Variants in RNF170 observed in about 807,000 individuals in gnomAD.
RNF170 encodes the protein ring finger protein 170, also known as E3 ubiquitin-protein ligase RNF170.
A neutral mutation model predicts 32.7 loss-of-function variants in RNF170; 12 were observed. The observed-to-expected ratio is 0.37, with a 90% confidence interval of 0.24 to 0.60. The LOEUF is 0.60. Among genes scored for constraint, RNF170 ranks in the 20% least tolerant of loss-of-function variants. The pLI is 0.72. For missense variants in RNF170, 212 were observed against 311.2 expected (o/e 0.68, Z 2.40); for synonymous variants, 91 against 103.6 (o/e 0.88, Z 0.74).
intron 3 of RNF170, among the ~76,000 whole-genome samples, chr8:42,871,180 T>C (rs896222818): frequency 9.2e-5 from 14 of 151,994 alleles, no homozygotes; most frequent in African/African-American, 3.4e-4. Context: ...GCTATACTCC[T>C]GCCTGGGCAA....
At position 42,853,753 on chromosome 8, in the gene RNF170, C is replaced by G; in HGVS notation, c.*2406G>C. On this transcript the variant is annotated 3_prime_UTR_variant, in exon 7 of 7. Coordinates refer to ENST00000527424, the MANE Select transcript of RNF170 (RefSeq NM_030954.4). Reference sequence around the variant, plus strand: ...CCCTTCTGCATTTATCATCAGAGATCGGTAAAGATGACAACAAGCAGGTCT... The same window carrying G: ...CCCTTCTGCATTTATCATCAGAGATGGGTAAAGATGACAACAAGCAGGTCT... 7.8e-7 allele frequency: 1 copy of G among 1,287,120 alleles called. No individual in the cohort carries two copies. Among genetic ancestry groups the G allele is most frequent in the South Asian group, 1.2e-5 (1 of 80,934 alleles). 79.7% of individuals were successfully genotyped at this position (1,287,120 alleles called of 1,614,324 possible).
Position 42,887,777 on chromosome 8 carries a change from C to T in RNF170, c.88G>A (p.Val30Ile), listed in dbSNP as rs747718243. The T allele has an allele frequency of 7.4e-6, 12 of 1,613,824 alleles. No homozygotes were observed. In the Admixed American group the frequency reaches 1.2e-4, roughly 16 times the overall value. Residue 30 changes from valine to isoleucine, a missense_variant, in exon 2 of 7, where the codon GTT becomes ATT. Physicochemically the swap from Val to Ile is conservative, Grantham distance 29 (BLOSUM62 3). Coordinates refer to ENST00000527424, the MANE Select transcript of RNF170 (RefSeq NM_030954.4). Reference sequence around the variant, plus strand: ...GCAATCAAAGCGAAACTGACCACAACTGCCACAAGTACTTGGTCGCTTACT... The same window carrying T: ...GCAATCAAAGCGAAACTGACCACAATTGCCACAAGTACTTGGTCGCTTACT... The part of the protein sequence containing the change: ...EGVSDQVLVA[V>I]VVSFALIATL...
At position 42,854,760 on chromosome 8, in the gene RNF170, A is replaced by T; in HGVS notation, c.*1399T>A. The stretch of plus-strand genomic sequence containing the variant: ...ACAATGCTAACACTGACTCCTGGGC[A>T]TCCCCTCACATCCTGCTGTCATACA... On this transcript the variant is annotated 3_prime_UTR_variant, in exon 7 of 7. Coordinates refer to ENST00000527424, the MANE Select transcript of RNF170 (RefSeq NM_030954.4). 1 of 1,287,460 alleles carries T rather than the reference A, an allele frequency of 7.8e-7. No homozygotes were observed. Among genetic ancestry groups the T allele is most frequent in the Non-Finnish European group, 1.0e-6 (1 of 988,698 alleles). The allele number at this position is 1,287,460 out of a possible 1,614,324, so 79.8% of individuals were successfully genotyped here.
chr8:42,864,489 A>T (rs1803937225), intron 5 of RNF170, among the ~76,000 whole-genome samples: 1 of 152,186 alleles, frequency 6.6e-6, no homozygotes, highest in South Asian at 2.1e-4. Context: ...TGTCATACTT[A>T]AAAACTGAGA....
chr8:42,892,674 GTTTT>G (rs559187435), intron 1 of RNF170, among the ~76,000 whole-genome samples: 1 of 130,892 alleles, frequency 7.6e-6, no homozygotes. Flanking sequence ...CTGTTGCAGC[GTTTT>G]TTTTTTTTTT....
chr8:42,876,228 T>C (rs915524036), intron 2 of RNF170, among the ~76,000 whole-genome samples: 1 of 149,562 alleles, frequency 6.7e-6, no homozygotes, highest in Non-Finnish European at 1.5e-5. Flanking sequence ...ATATATATTT[T>C]AAAAATATAT....
intron 2 of RNF170, among the ~76,000 whole-genome samples, chr8:42,883,446 G>A (rs1254655278): frequency 6.6e-6 from 1 of 151,978 alleles, no homozygotes; most frequent in Admixed American, 6.6e-5. Flanking sequence ...GCGCGTGCCT[G>A]TAGTCCCAGC....
chr8:42,892,883 A>G lies in RNF170; in HGVS notation c.-8+3601T>C, dbSNP rs182061955. ...ACGCCTGTGATCCCAGCTACTCGGG[A>G]GGCTGAGGCATGAGAATTGCTTGAA... On this transcript the variant is annotated intron_variant, in intron 1 of 6. Transcript: ENST00000527424. Among the ~76,000 whole-genome samples, 54 of 152,192 alleles carry G rather than the reference A, an allele frequency of 3.5e-4. No homozygotes were observed. In the East Asian group the frequency reaches 9.5e-3, roughly 27 times the overall value.
intron 1 of RNF170, among the ~76,000 whole-genome samples, chr8:42,893,349 T>C (rs924423554): frequency 6.6e-6 from 1 of 152,232 alleles, no homozygotes; most frequent in African/African-American, 2.4e-5. Flanking sequence ...TCTTGGAAAC[T>C]GTGCAGTGTA....
In RNF170 at chr8:42,853,947, A is replaced by G. The variant is rs955369578; in HGVS notation, c.*2212T>C. On this transcript the variant is annotated 3_prime_UTR_variant, in exon 7 of 7. Coordinates refer to ENST00000527424, the MANE Select transcript of RNF170 (RefSeq NM_030954.4). ...TAACCAGAATTGTGACACTTGGAGC[A>G]GAATGCATGCACACAAAATAAAATC... 1.0e-5 allele frequency: 13 copies of G among 1,287,088 alleles called. No individual in the cohort carries two copies. The highest frequency in any genetic ancestry group is 4.6e-5 in the African/African-American group (3 of 65,810). The allele number at this position is 1,287,088 out of a possible 1,614,324, so 79.7% of individuals were successfully genotyped here.
chr8:42,890,216 AAT>A (rs2128955573), intron 1 of RNF170, among the ~76,000 whole-genome samples: 1 of 149,634 alleles, frequency 6.7e-6, no homozygotes, highest in East Asian at 1.9e-4. Flanking sequence ...ACATATATAT[AAT>A]ATATATTATA....
Position 42,854,826 on chromosome 8 carries a change from C to T in RNF170, c.*1333G>A. 7.8e-7 allele frequency: 1 copy of T among 1,287,086 alleles called. No homozygotes were observed. The highest frequency in any genetic ancestry group is 1.0e-6 in the Non-Finnish European group (1 of 988,574). 79.7% of individuals were successfully genotyped at this position (1,287,086 alleles called of 1,614,324 possible). ...CGCCAGCTGAAGTGAGTAAGATCTC[C>T]CAGTACCATGTGGTACTGAGTCTTC... is the stretch of plus-strand genomic sequence containing the variant. On this transcript the variant is annotated 3_prime_UTR_variant, in exon 7 of 7. Coordinates refer to ENST00000527424, the MANE Select transcript of RNF170 (RefSeq NM_030954.4).
downstream of RNF170, among the ~76,000 whole-genome samples, chr8:42,852,419 A>AT (rs1278909529): frequency 5.3e-5 from 8 of 151,402 alleles, no homozygotes; most frequent in Non-Finnish European, 7.4e-5. Context: ...TTATTCATTT[A>AT]TTTTTTTTTA....
rs773186349 is a variant in RNF170 at position 42,855,597 on chromosome 8, T to G, written c.*562A>C. ...CGAAGTATGAAGTTCAAGTTTCTTC[T>G]TTCAGTTTCAGCTGATAGCAAATAA... On this transcript the variant is annotated 3_prime_UTR_variant, in exon 7 of 7. Coordinates refer to ENST00000527424, the MANE Select transcript of RNF170 (RefSeq NM_030954.4). The G allele has an allele frequency of 7.8e-6, 10 of 1,277,188 alleles. No individual in the cohort carries two copies. Among genetic ancestry groups the G allele is most frequent in the Non-Finnish European group, 1.0e-5 (10 of 979,360 alleles). The allele number at this position is 1,277,188 out of a possible 1,614,324, so 79.1% of individuals were successfully genotyped here. A position where few individuals can be genotyped will look rare whatever the true frequency, so the allele number is the denominator to read the frequency against.
At position 42,856,148 on chromosome 8, in the gene RNF170, T is replaced by G. The variant is rs1320654921; in HGVS notation, c.*11A>C. ...TCAGATATCCTAGTAAACTCAGTTT[T>G]GTTTTCTTTTTCATCTAGTTAGCCT... is the stretch of plus-strand genomic sequence containing the variant. On this transcript the variant is annotated 3_prime_UTR_variant, in exon 7 of 7. Transcript: ENST00000527424. 6.2e-7 allele frequency: 1 copy of G among 1,612,340 alleles called. No homozygotes were observed. The highest frequency in any genetic ancestry group is 8.5e-7 in the Non-Finnish European group (1 of 1,179,730).
intron 2 of RNF170, among the ~76,000 whole-genome samples, chr8:42,874,274 C>T (rs908018930): frequency 7.2e-5 from 11 of 152,154 alleles, no homozygotes; most frequent in Non-Finnish European, 1.2e-4. Flanking sequence ...TGGAAGCTTA[C>T]AAGTAATGTA....
chr8:42,896,703 C>A, upstream of RNF170: 2 of 308,986 alleles, frequency 6.5e-6, no homozygotes, highest in South Asian at 4.4e-5. Flanking sequence ...AGCGCGTGCT[C>A]GCCTCGACAC....
chr8:42,850,989 T>C, downstream of RNF170: 1 of 1,551,552 alleles, frequency 6.4e-7, no homozygotes, highest in East Asian at 2.4e-5. Flanking sequence ...TGCTCTTCTC[T>C]GATGAACCCT....
intron 1 of RNF170, among the ~76,000 whole-genome samples, chr8:42,894,478 T>C (rs562236491): frequency 3.9e-5 from 6 of 152,302 alleles, no homozygotes; most frequent in South Asian, 4.1e-4. Context: ...TCGACAGAAA[T>C]AACCTGATAA....
Sources: allele counts gnomAD v4.1 joint callset (sites outside exome capture counted in the v4.1 genomes callset), GRCh38; gene constraint gnomAD v4.1.1; transcripts MANE v1.5; gene names NCBI Gene and HGNC (gene_info 2026-07-23, HGNC 2026-07-21).